The following NELFCD variants were observed in gnomAD, a reference collection of about 807,000 sequenced individuals.
NELFCD encodes the protein negative elongation factor C/D.
Under a neutral mutation model 72.9 loss-of-function variants are expected in NELFCD, and 48 were observed. That is an observed-to-expected ratio of 0.66 (90% CI 0.52 to 0.84). The LOEUF is 0.84. NELFCD is among the 40% of genes least tolerant of loss of function. The pLI is 0.00. For synonymous variants in NELFCD, 297 were observed against 280.6 expected (o/e 1.06, Z -0.59); for missense variants, 538 against 723.8 (o/e 0.74, Z 2.94).
intron 6 of NELFCD, 82 bp from the exon 7 acceptor site, chr20:58,989,776 A>C: frequency 4.3e-6 from 7 of 1,609,534 alleles, no homozygotes; most frequent in Non-Finnish European, 6.0e-6. Context: ...CCCGGGCCCG[A>C]GCACGGTGGA....
intron 5 of NELFCD, 79 bp from the exon 6 acceptor site, chr20:58,989,409 A>G (rs571926121): frequency 1.7e-5 from 27 of 1,548,366 alleles, no homozygotes; most frequent in Middle Eastern, 1.8e-4. Flanking sequence ...CCACCTCACC[A>G]TGAACACTGA....
chr20:58,989,816 A>G (rs2091801455), intron 6 of NELFCD, 42 bp from the exon 7 acceptor site: 3 of 1,613,614 alleles, frequency 1.9e-6, no homozygotes, highest in Non-Finnish European at 2.5e-6. Context: ...CGTCTGTGCT[A>G]CAGTAGTAAA....
chr20:58,987,280 C>T (rs748581693), intron 3 of NELFCD: 24 of 245,738 alleles, frequency 9.8e-5, no homozygotes, highest in Non-Finnish European at 7.0e-5. Flanking sequence ...TCCACGGAGC[C>T]GGGTGCAGAT....
chr20:58,989,304 C>A, intron 5 of NELFCD, 184 bp from the exon 6 acceptor site: 1 of 705,120 alleles, frequency 1.4e-6, no homozygotes, highest in Non-Finnish European at 2.4e-6. Flanking sequence ...TATGAAGAAA[C>A]GATGGAGAGG....
Position 58,986,661 on chromosome 20 carries a change from A to G in NELFCD, c.177-93A>G, listed in dbSNP as rs2091774867. Reference sequence around the variant, plus strand: ...CCCAGCCCCCTCCGCTGCTTTAAAAATTTTGAAACCTGATTCTCTTCCTCC... The same window carrying G: ...CCCAGCCCCCTCCGCTGCTTTAAAAGTTTTGAAACCTGATTCTCTTCCTCC... On this transcript the variant is annotated intron_variant, in intron 2 of 14. Transcript: ENST00000652272. This position sits in a 1 kb window ranked among gnomAD's most constrained non-coding sequence, Gnocchi z 4.4. The G allele has an allele frequency of 2.1e-6, 2 of 937,710 alleles. No individual in the cohort carries two copies. The highest frequency in any genetic ancestry group is 3.5e-6 in the Non-Finnish European group (2 of 565,012). 58.1% of individuals were successfully genotyped at this position (937,710 alleles called of 1,614,324 possible). A position where few individuals can be genotyped will look rare whatever the true frequency, so the allele number is the denominator to read the frequency against.
chr20:58,989,238 AT>A, intron 5 of NELFCD: 1 of 619,962 alleles, frequency 1.6e-6, no homozygotes, highest in Non-Finnish European at 2.8e-6. Flanking sequence ...GGATACAAGA[AT>A]TCTCTTGTGG....
Position 58,986,896 on chromosome 20 carries a change from T to A in NELFCD, c.286+33T>A. On this transcript the variant is annotated intron_variant, in intron 3 of 14. Coordinates refer to ENST00000652272, the MANE Select transcript of NELFCD (RefSeq NM_198976.4). This position sits in a 1 kb window ranked among gnomAD's most constrained non-coding sequence, Gnocchi z 4.4. Reference sequence around the variant, plus strand: ...GTGGGTGTCCCCTGTCCTGGCTAGTTACCCCCACTTTTTTAAAAATAGACT... The same window carrying A: ...GTGGGTGTCCCCTGTCCTGGCTAGTAACCCCCACTTTTTTAAAAATAGACT... 7.1e-7 allele frequency: 1 copy of A among 1,401,692 alleles called. No individual in the cohort carries two copies. Among genetic ancestry groups the A allele is most frequent in the Non-Finnish European group, 1.0e-6 (1 of 1,003,476 alleles). 86.8% of individuals were successfully genotyped at this position (1,401,692 alleles called of 1,614,324 possible).
intron 14 of NELFCD, 31 bp downstream of exon 14, chr20:58,994,270 A>C (rs372888023): frequency 1.2e-6 from 2 of 1,607,546 alleles, no homozygotes; most frequent in Non-Finnish European, 1.7e-6. Context: ...CTTTACTACA[A>C]TAGAAAATGT....
chr20:58,989,315 T>G (rs961399986), intron 5 of NELFCD, 173 bp from the exon 6 acceptor site: 10 of 743,634 alleles, frequency 1.3e-5, no homozygotes, highest in Admixed American at 1.2e-4. Flanking sequence ...GATGGAGAGG[T>G]GGTCAGCCCA....
Position 58,991,341 on chromosome 20 carries a change from C to G in NELFCD, c.984C>G (p.Phe328Leu), listed in dbSNP as rs137872664. 2 of 1,614,090 alleles carry G rather than the reference C, an allele frequency of 1.2e-6. No individual in the cohort carries two copies. The highest frequency in any genetic ancestry group is 2.2e-5 in the East Asian group (1 of 44,892). ...LIRVPAFLDLFMQSLFKPGAR... is the reference protein window; with the variant it reads ...LIRVPAFLDLLMQSLFKPGAR... The stretch of plus-strand genomic sequence containing the variant: ...GCGTTCCAGCCTTCCTGGACCTGTT[C>G]ATGCAGTCACTCTTTAAACCAGGGG... The change falls in exon 9 of 15, where the codon TTC becomes TTG. Residue 328 changes from phenylalanine (F) to leucine (L), a missense_variant. Phe to Leu is a conservative substitution (Grantham distance 22). Around this residue, in one of 3 missense-constraint regions of NELFCD, gnomAD observed 355 missense variants for 534.5 expected, o/e 0.66. Coordinates refer to ENST00000652272, the MANE Select transcript of NELFCD (RefSeq NM_198976.4).
At chr20:58,987,896 T>C (rs2091784393) in intron 4 of NELFCD, 79 bp downstream of exon 4, 1 of 1,064,094 alleles carries the variant, frequency 9.4e-7, no homozygotes, top group African/African-American at 1.6e-5. Context: ...GAGCGTGGCA[T>C]ATCATGTAAG....
At chr20:58,982,052 C>A (rs971653092) in intron 1 of NELFCD, among the ~76,000 whole-genome samples, 6 of 151,670 alleles carry the variant, frequency 4.0e-5, no homozygotes, top group South Asian at 2.1e-4. Flanking sequence ...AAAGACCCAA[C>A]TGAGGCGCAT....
intron 9 of NELFCD, 114 bp from the exon 10 acceptor site, chr20:58,991,767 C>A: frequency 7.7e-7 from 1 of 1,290,854 alleles, no homozygotes; most frequent in East Asian, 2.5e-5. Flanking sequence ...GAATTGACTC[C>A]CAACTTAAGT....
rs1161041202 is a variant in NELFCD at position 58,989,906 on chromosome 20, A to C, written c.706A>C (p.Met236Leu). The C allele has an allele frequency of 8.7e-6, 14 of 1,614,216 alleles. No homozygotes were observed. The highest frequency in any genetic ancestry group is 6.7e-5 in the Admixed American group (4 of 60,034). ...EHTYLFAQAM[M>L]SVLAQEEQGG... ...CACGTACCTGTTTGCCCAGGCCATG[A>C]TGTCCGTGCTGGCCCAGGAGGAGCA... The change falls in exon 7 of 15, where the codon ATG becomes CTG. Residue 236 changes from methionine (M) to leucine (L), a missense_variant. By Grantham distance (15) the Met-to-Leu change is conservative. Coordinates refer to ENST00000652272, the MANE Select transcript of NELFCD (RefSeq NM_198976.4).
chr20:58,988,960 A>C lies in NELFCD; in HGVS notation c.443A>C (p.Asp148Ala). Reference protein sequence around the residue: ...EQMIAHTTWRDLFYKLAEAHP... With the variant: ...EQMIAHTTWRALFYKLAEAHP... ...ATGATTGCACATACCACGTGGCGGG[A>C]CCTTTTTTATAAACTGGCTGAAGCC... The change falls in exon 5 of 15, where the codon GAC becomes GCC. Residue 148 changes from aspartate (D) to alanine (A), a missense_variant. Physicochemically the swap from Asp to Ala is moderately radical, Grantham distance 126. Transcript: ENST00000652272. 6.2e-7 allele frequency: 1 copy of C among 1,614,130 alleles called. No individual in the cohort carries two copies. The highest frequency in any genetic ancestry group is 8.5e-7 in the Non-Finnish European group (1 of 1,179,998).
intron 1 of NELFCD, 115 bp from the exon 2 acceptor site, chr20:58,985,978 A>G (rs1424416528): frequency 6.7e-6 from 5 of 746,158 alleles, no homozygotes; most frequent in African/African-American, 1.7e-5. Context: ...TGAAAGTCAA[A>G]TGAAATAATG....
chr20:58,987,888 G>A, intron 4 of NELFCD, 71 bp downstream of exon 4: 1 of 1,132,684 alleles, frequency 8.8e-7, no homozygotes, highest in Non-Finnish European at 1.3e-6. Flanking sequence ...GTACAGTGGA[G>A]CGTGGCATAT....
At position 58,989,173 on chromosome 20, in the gene NELFCD, G is replaced by A. The variant is rs548622001; in HGVS notation, c.504+152G>A. ...AAGCCTTACACTGAGAAAGAAAAGT[G>A]TAAAATTTGTATCTGTTTTTGGGTC... On this transcript the variant is annotated intron_variant, in intron 5 of 14. Transcript: ENST00000652272. 55 of 645,798 alleles carry A rather than the reference G, an allele frequency of 8.5e-5. No homozygotes were observed. In the South Asian group the frequency reaches 9.5e-4, roughly 11 times the overall value. 40.0% of individuals were successfully genotyped at this position (645,798 alleles called of 1,614,324 possible).
chr20:58,991,876 T>G lies in NELFCD; in HGVS notation c.1090-5T>G, dbSNP rs1289225885. On this transcript the variant is annotated splice_region_variant and splice_polypyrimidine_tract_variant and intron_variant, in intron 9 of 14. Transcript: ENST00000652272. ...AGGCTCACCAGCTTGTGTGTGTGTT[T>G]TCAGAACAAGCGAGTGAGCATCAAT... 1 of 1,613,664 alleles carries G rather than the reference T, an allele frequency of 6.2e-7. No individual in the cohort carries two copies.
Sources: gnomAD v4.1 joint callset for allele counts (sites outside exome capture counted in the v4.1 genomes callset) on GRCh38, gnomAD v4.1.1 for gene constraint, gnomAD v4.1.1 regional missense constraint, Gnocchi (gnomAD v3.1) non-coding constraint, MANE v1.5 for transcripts, NCBI Gene and HGNC (gene_info 2026-07-23, HGNC 2026-07-21) for gene names.